UBN2: variants seen among roughly 807,000 people sequenced by gnomAD.
UBN2 encodes ubinuclein-2.
Under a neutral mutation model 120.2 loss-of-function variants are expected in UBN2, and 35 were observed. The ratio of observed to expected loss-of-function variants is 0.29; its 90% CI spans 0.22 to 0.39. UBN2 has a LOEUF of 0.39. UBN2 is among the 10% of genes least tolerant of loss of function. The probability of loss-of-function intolerance (pLI) is 1.00; values close to 1 mark genes in which losing one functional copy is unlikely to be tolerated. For missense variants in UBN2, 1,693 were observed against 1,663.2 expected (o/e 1.02, Z -0.31); for synonymous variants, 661 against 648.7 (o/e 1.02, Z -0.29).
At chr7:139,238,266 G>C (rs1392628772) in intron 2 of UBN2, among the ~76,000 whole-genome samples, 1 of 152,142 alleles carries the variant, frequency 6.6e-6, no homozygotes, top group Non-Finnish European at 1.5e-5. Context: ...CAGGGATCTT[G>C]ACCCATATGT....
intron 2 of UBN2, among the ~76,000 whole-genome samples, chr7:139,237,348 G>A (rs927870308): frequency 2.2e-4 from 34 of 152,124 alleles, no homozygotes. Context: ...CCAGGTTGGA[G>A]TGCCGTGGTG....
In UBN2 at chr7:139,261,277, T is replaced by C. The variant is rs1163962052; in HGVS notation, c.931T>C (p.Ser311Pro). ...LGVVALNSHK[S>P]EKKKKRYKDS... ...AGTTGTGGCTCTAAATTCACACAAG[T>C]CTGAAAAAAAGAAGAAACGTTATAA... The change falls in exon 6 of 18, where the codon TCT (serine) becomes CCT (proline). Residue 311 changes from serine (S) to proline (P), a missense_variant. Physicochemically the swap from Ser to Pro is moderately conservative, Grantham distance 74. Transcript: ENST00000473989. The C allele has an allele frequency of 6.2e-7, 1 of 1,609,762 alleles. No homozygotes were observed. Among genetic ancestry groups the C allele is most frequent in the Non-Finnish European group, 8.5e-7 (1 of 1,178,662 alleles).
chr7:139,266,298 A>G (rs1252877636), intron 6 of UBN2, 35 bp from the exon 7 acceptor site: 5 of 1,390,900 alleles, frequency 3.6e-6, no homozygotes, highest in African/African-American at 1.5e-5. Flanking sequence ...GTAATGGCCT[A>G]TTTTGATTTA....
At chr7:139,236,914 G>T in intron 1 of UBN2, 91 bp from the exon 2 acceptor site, 1 of 680,900 alleles carries the variant, frequency 1.5e-6, no homozygotes, top group Non-Finnish European at 2.4e-6. Flanking sequence ...GAATTGAAGT[G>T]GTTGTTACAT....
downstream of UBN2, among the ~76,000 whole-genome samples, chr7:139,311,053 T>C (rs1335336453): frequency 6.6e-6 from 1 of 152,218 alleles, no homozygotes; most frequent in Non-Finnish European, 1.5e-5. Flanking sequence ...TTTGAGTCTG[T>C]CTGAAATGTG....
At chr7:139,258,963 A>T (rs1232095704) in intron 4 of UBN2, among the ~76,000 whole-genome samples, 1 of 152,212 alleles carries the variant, frequency 6.6e-6, no homozygotes, top group Non-Finnish European at 1.5e-5. Context: ...GAATTTGTAT[A>T]CATTGTCTTT....
rs1466830944 is a variant in UBN2 at position 139,298,613 on chromosome 7, T to C, written c.*777T>C. 1 of 152,066 alleles carries C rather than the reference T, an allele frequency of 6.6e-6. No homozygotes were observed. The highest frequency in any genetic ancestry group is 1.9e-4 in the East Asian group (1 of 5,204). 9.4% of individuals were successfully genotyped at this position (152,066 alleles called of 1,614,324 possible). ...CAGAAGCAGGTACTTAACTCTTTTCTTCAGGTGATTTGTGCATCTAGTATT... is the reference window on the plus strand; with the variant it reads ...CAGAAGCAGGTACTTAACTCTTTTCCTCAGGTGATTTGTGCATCTAGTATT... On this transcript the variant is annotated 3_prime_UTR_variant, in exon 18 of 18. Coordinates refer to ENST00000473989, the MANE Select transcript of UBN2 (RefSeq NM_173569.4).
rs143959734 is a variant in UBN2, at chr7:139,297,950, G to T, written c.*114G>T. 4.2e-6 allele frequency: 5 copies of T among 1,185,526 alleles called. No homozygotes were observed. Among genetic ancestry groups the T allele is most frequent in the Non-Finnish European group, 5.0e-6 (4 of 805,418 alleles). The allele number at this position is 1,185,526 out of a possible 1,614,324, so 73.4% of individuals were successfully genotyped here. A position where few individuals can be genotyped will look rare whatever the true frequency, so the allele number is the denominator to read the frequency against. On this transcript the variant is annotated 3_prime_UTR_variant, in exon 18 of 18. Transcript: ENST00000473989. ...TTTCTGTCGATGTTTACATTCTCTC[G>T]TCCCAAGCACTGTGGTGAGGAGGAA... is the stretch of plus-strand genomic sequence containing the variant.
At chr7:139,259,425 C>T (rs1585001445) in intron 5 of UBN2, 55 bp downstream of exon 5, 1 of 1,594,628 alleles carries the variant, frequency 6.3e-7, no homozygotes, top group East Asian at 2.2e-5. Context: ...ACTGTCTCTC[C>T]CTTTAGAAAG....
At chr7:139,256,859 A>C (rs1168887723) in intron 3 of UBN2, among the ~76,000 whole-genome samples, 1 of 152,084 alleles carries the variant, frequency 6.6e-6, no homozygotes, top group Non-Finnish European at 1.5e-5. Flanking sequence ...ATTTCTTTTT[A>C]ATTCAGTGTG....
At chr7:139,238,273 A>G (rs1796217903) in intron 2 of UBN2, among the ~76,000 whole-genome samples, 1 of 152,146 alleles carries the variant, frequency 6.6e-6, no homozygotes, top group Non-Finnish European at 1.5e-5. Context: ...CTTGACCCAT[A>G]TGTGCTGGCT....
intron 1 of UBN2, among the ~76,000 whole-genome samples, chr7:139,235,282 C>T (rs1377504940): frequency 1.3e-5 from 2 of 152,172 alleles, no homozygotes; most frequent in Non-Finnish European, 2.9e-5. Context: ...ACCTGAGCCT[C>T]TGGTTAAGGC....
At chr7:139,258,429 A>C (rs972513909) in intron 3 of UBN2, 59 bp from the exon 4 acceptor site, 4 of 1,346,084 alleles carry the variant, frequency 3.0e-6, no homozygotes, top group Non-Finnish European at 3.9e-6. Context: ...AATTTCTTTG[A>C]CATTTATAGA....
At chr7:139,320,294 TC>T in the UBN2 span, among the ~76,000 whole-genome samples, 4 of 151,182 alleles carry the variant, frequency 2.6e-5, 1 homozygote, top group Admixed American at 2.6e-4. Context: ...AAACCCCGTC[TC>T]TACTAAGAAT....
chr7:139,321,180 C>G, the UBN2 span, among the ~76,000 whole-genome samples: 1 of 152,354 alleles, frequency 6.6e-6, no homozygotes, highest in South Asian at 2.1e-4. Flanking sequence ...ATCACCTTCA[C>G]AGCTCATGCT....
At position 139,300,163 on chromosome 7, in the gene UBN2, T is replaced by C. The variant is rs904498206; in HGVS notation, c.*2327T>C. ...CATTTTATACTAACCAGTAAAAATA[T>C]CTGAAGGCCCTTGGCTCCAAGAATA... On this transcript the variant is annotated 3_prime_UTR_variant, in exon 18 of 18. Transcript: ENST00000473989. 3.9e-5 allele frequency: 6 copies of C among 152,182 alleles called. No individual in the cohort carries two copies. The highest frequency in any genetic ancestry group is 1.4e-4 in the African/African-American group (6 of 41,450). The allele number at this position is 152,182 out of a possible 1,614,324, so 9.4% of individuals were successfully genotyped here.
At chr7:139,270,581 A>AT (rs1563216397) in intron 8 of UBN2, among the ~76,000 whole-genome samples, 1 of 151,252 alleles carries the variant, frequency 6.6e-6, no homozygotes, top group African/African-American at 2.4e-5. Flanking sequence ...AAACACATTC[A>AT]TTTTTTACTG....
At position 139,293,872 on chromosome 7, in the gene UBN2, G is replaced by C. The variant is rs765298852; in HGVS notation, c.3902-17G>C. 2.5e-6 allele frequency: 4 copies of C among 1,612,100 alleles called. No individual in the cohort carries two copies. In the East Asian group the frequency reaches 8.9e-5, roughly 36 times the overall value. The stretch of plus-strand genomic sequence containing the variant: ...ATCTGGATTTAAAGATGACTGACAA[G>C]TCTGTTTTCCTCTCAGATTTACTAA... On this transcript the variant is annotated splice_polypyrimidine_tract_variant and intron_variant, in intron 16 of 17. Transcript: ENST00000473989.
chr7:139,285,594 A>G (rs751742242), intron 15 of UBN2, among the ~76,000 whole-genome samples: 4 of 152,156 alleles, frequency 2.6e-5, no homozygotes, highest in Non-Finnish European at 4.4e-5. Context: ...CCTAGTTGTC[A>G]TTAATTGTAT....
Sources: allele counts gnomAD v4.1 joint callset (sites outside exome capture counted in the v4.1 genomes callset), GRCh38; gene constraint gnomAD v4.1.1; transcripts MANE v1.5; gene names NCBI Gene and HGNC (gene_info 2026-07-23, HGNC 2026-07-21).